GALNT14: variants seen among roughly 807,000 people sequenced by gnomAD.
GALNT14 encodes the protein UDP-GalNAc:polypeptide N-acetylgalactosaminyltransferase 14.
In GALNT14, 60 loss-of-function variants were observed where a neutral mutation model predicts 77.5. That is an observed-to-expected ratio of 0.77 (90% CI 0.63 to 0.96). GALNT14 has a LOEUF of 0.96. Among genes scored for constraint, GALNT14 ranks in the 40% least tolerant of loss-of-function variants. The pLI is 0.00. For missense variants in GALNT14, 710 were observed against 731.0 expected, an observed-to-expected ratio of 0.97 and a Z score of 0.33; for synonymous variants, 280 against 281.7, an observed-to-expected ratio of 0.99 and a Z score of 0.06.
intron 1 of GALNT14, among the ~76,000 whole-genome samples, chr2:30,999,335 C>T (rs115856905): frequency 2.0e-4 from 31 of 152,316 alleles, no homozygotes; most frequent in Middle Eastern, 3.4e-3. Context: ...GGTAATATCT[C>T]CCTTTTGGAT....
At chr2:30,961,603 C>A (rs188265811) in intron 3 of GALNT14, among the ~76,000 whole-genome samples, 118 of 152,198 alleles carry the variant, frequency 7.8e-4, no homozygotes, top group Admixed American at 7.4e-3. Context: ...GATCCTGGAG[C>A]CAGCAGCATC....
intron 6 of GALNT14, among the ~76,000 whole-genome samples, chr2:30,953,957 T>C (rs777284840): frequency 3.9e-5 from 6 of 152,108 alleles, no homozygotes; most frequent in Non-Finnish European, 8.8e-5. Flanking sequence ...CAAGGAGTCA[T>C]TGGTGCCCCC....
intron 1 of GALNT14, among the ~76,000 whole-genome samples, chr2:31,076,629 A>ATATATATATATATATAT (rs1553373502): frequency 4.9e-5 from 5 of 101,892 alleles, no homozygotes; most frequent in African/African-American, 1.6e-4. Flanking sequence ...ATATATATAT[A>ATATATATATATATATAT]TTTTTTTTTT....
the GALNT14 span, among the ~76,000 whole-genome samples, chr2:30,891,588 G>A: frequency 1.3e-5 from 2 of 152,224 alleles, no homozygotes; most frequent in Admixed American, 6.5e-5. Flanking sequence ...TGCAAATGCA[G>A]TCATGAACCC....
intron 2 of GALNT14, among the ~76,000 whole-genome samples, chr2:30,968,823 G>C (rs1204320852): frequency 6.6e-6 from 1 of 152,230 alleles, no homozygotes; most frequent in Admixed American, 6.5e-5. Flanking sequence ...TAGAAAAAGG[G>C]AAGGAGAATG....
Position 30,914,243 on chromosome 2 carries a change from A to G in GALNT14, c.1381-1901T>C, listed in dbSNP as rs185991234. On this transcript the variant is annotated intron_variant, in intron 13 of 14. Transcript: ENST00000349752. ...GCTCGGAGAGGCTATCCAAAGTCAT[A>G]CACCAGCAAGTGGCCCCCACACCAA... Among the ~76,000 whole-genome samples, 625 of 152,332 alleles carry G rather than the reference A, an allele frequency of 4.1e-3. 11 individuals are homozygous for G. Among genetic ancestry groups the G allele is most frequent in the South Asian group, 0.032 (153 of 4,832 alleles).
intron 1 of GALNT14, among the ~76,000 whole-genome samples, chr2:31,020,701 C>T (rs972648593): frequency 1.3e-5 from 2 of 152,198 alleles, no homozygotes; most frequent in African/African-American, 4.8e-5. Flanking sequence ...CACCTTCTGT[C>T]TTGCCCTGAT....
intron 1 of GALNT14, among the ~76,000 whole-genome samples, chr2:31,028,235 T>A (rs1382551225): frequency 6.6e-6 from 1 of 152,152 alleles, no homozygotes; most frequent in Non-Finnish European, 1.5e-5. Context: ...ATGCCTGGCC[T>A]CTCTGAGGGG....
intron 8 of GALNT14, among the ~76,000 whole-genome samples, chr2:30,943,320 T>C (rs960323790): frequency 6.6e-6 from 1 of 152,154 alleles, no homozygotes; most frequent in Admixed American, 6.5e-5. Flanking sequence ...GATTCCAAGC[T>C]AATAATCAGT....
intron 1 of GALNT14, among the ~76,000 whole-genome samples, chr2:31,055,409 G>A (rs1373900006): frequency 6.6e-6 from 1 of 152,232 alleles, no homozygotes; most frequent in Non-Finnish European, 1.5e-5. Context: ...CCACAGCCTT[G>A]TCATTTCACT....
intron 1 of GALNT14, among the ~76,000 whole-genome samples, chr2:31,101,708 CTAG>C (rs1470553757): frequency 5.3e-5 from 8 of 152,004 alleles, no homozygotes; most frequent in African/African-American, 1.9e-4. Flanking sequence ...ATTAGATTAA[CTAG>C]TAGTTTATTT....
chr2:30,924,892 G>T (rs527379054), intron 11 of GALNT14, 69 bp from the exon 12 acceptor site: 7 of 1,305,976 alleles, frequency 5.4e-6, no homozygotes, highest in Non-Finnish European at 7.7e-6. Context: ...CGCCAGCAAC[G>T]CCAGTCCAGA....
chr2:31,115,497 CT>C (rs995594185), intron 1 of GALNT14, among the ~76,000 whole-genome samples: 2 of 152,136 alleles, frequency 1.3e-5, no homozygotes, highest in African/African-American at 4.8e-5. Flanking sequence ...TGTGATGAAC[CT>C]TGCAATCTGC....
chr2:30,991,724 G>C (rs1277992899), intron 2 of GALNT14, among the ~76,000 whole-genome samples: 1 of 152,188 alleles, frequency 6.6e-6, no homozygotes, highest in Non-Finnish European at 1.5e-5. Flanking sequence ...GGATTAACAA[G>C]GACTGGTTGA....
intron 1 of GALNT14, among the ~76,000 whole-genome samples, chr2:31,018,798 T>C (rs945332535): frequency 5.9e-5 from 9 of 152,196 alleles, no homozygotes; most frequent in Non-Finnish European, 1.5e-5. Flanking sequence ...AAACTAATTT[T>C]ACTCAGCACA....
intron 1 of GALNT14, among the ~76,000 whole-genome samples, chr2:31,031,171 C>T (rs1255254132): frequency 6.6e-6 from 1 of 152,124 alleles, no homozygotes; most frequent in Non-Finnish European, 1.5e-5. Context: ...CTTATCAAGT[C>T]CTATTTGGAT....
chr2:31,008,582 T>A (rs1421850583), intron 1 of GALNT14, among the ~76,000 whole-genome samples: 2 of 151,854 alleles, frequency 1.3e-5, no homozygotes, highest in Non-Finnish European at 2.9e-5. Flanking sequence ...ACATTAAGCA[T>A]TAAGGCTTTC....
intron 1 of GALNT14, among the ~76,000 whole-genome samples, chr2:31,001,152 A>T (rs994436633): frequency 1.3e-5 from 2 of 152,062 alleles, no homozygotes; most frequent in Non-Finnish European, 2.9e-5. Flanking sequence ...TGGCTACCTG[A>T]TACCCCTCAG....
intron 9 of GALNT14, among the ~76,000 whole-genome samples, chr2:30,940,229 G>A (rs1007492638): frequency 6.6e-6 from 1 of 152,126 alleles, no homozygotes; most frequent in African/African-American, 2.4e-5. Flanking sequence ...CAAAAGAGTC[G>A]GAAGCCAGCT....
Sources: gnomAD v4.1 joint callset for allele counts (sites outside exome capture counted in the v4.1 genomes callset) on GRCh38, gnomAD v4.1.1 for gene constraint, MANE v1.5 for transcripts, NCBI Gene and HGNC (gene_info 2026-07-23, HGNC 2026-07-21) for gene names.